LRRC9: variants seen among roughly 807,000 people sequenced by gnomAD.
The protein encoded by LRRC9 is leucine rich repeat containing 9, also known as leucine-rich repeat-containing protein 9.
In LRRC9, 122 loss-of-function variants were observed where a neutral mutation model predicts 63.2. The observed-to-expected ratio is 1.93, with a 90% CI of 1.67 to 2.24. LRRC9 has a LOEUF of 2.24. Among genes scored for constraint, LRRC9 ranks in the 30% most tolerant of loss-of-function variants. The pLI, the probability that LRRC9 is intolerant of heterozygous loss-of-function variation, is 0.00. For synonymous variants in LRRC9, 366 were observed against 213.1 expected (o/e 1.72, Z -6.25); for missense variants, 1,071 against 627.7 (o/e 1.71, Z -7.55).
chr14:59,964,784 A>G lies in LRRC9; in HGVS notation c.1212-1805A>G, dbSNP rs1566821921. On this transcript the variant is annotated intron_variant, in intron 10 of 31. Transcript: ENST00000445360. This position sits in a 1 kb window ranked among gnomAD's most constrained non-coding sequence, Gnocchi z 4.4. Reference sequence around the variant, plus strand: ...AGGTACTCTAAACTGGTTAGCAGGCATCATGCTTGATTGCAACACTATTCA... The same window carrying G: ...AGGTACTCTAAACTGGTTAGCAGGCGTCATGCTTGATTGCAACACTATTCA... 7.2e-6 allele frequency among the ~76,000 whole-genome samples: 1 copy of G among 139,198 alleles called. No homozygotes were observed. The allele number at this position is 139,198 out of a possible 152,430, so 91.3% of individuals were successfully genotyped here. A position where few individuals can be genotyped will look rare whatever the true frequency, so the allele number is the denominator to read the frequency against.
chr14:60,001,306 T>C (rs1889339506), intron 19 of LRRC9, among the ~76,000 whole-genome samples: 1 of 152,042 alleles, frequency 6.6e-6, no homozygotes, highest in Non-Finnish European at 1.5e-5. Flanking sequence ...AGAATATTCA[T>C]GATGACAGTG....
chr14:60,010,129 G>C (rs1193707823), intron 23 of LRRC9, among the ~76,000 whole-genome samples: 1 of 152,238 alleles, frequency 6.6e-6, no homozygotes, highest in East Asian at 1.9e-4. Flanking sequence ...CCAATAGGCA[G>C]TGCCCCAGTG....
At position 60,039,272 on chromosome 14, in the gene LRRC9, C is replaced by T. The variant is rs1892725084; in HGVS notation, c.3990+7209C>T. 3.9e-5 allele frequency among the ~76,000 whole-genome samples: 6 copies of T among 152,260 alleles called. No individual in the cohort carries two copies. In the South Asian group the frequency reaches 1.2e-3, roughly 32 times the overall value. On this transcript the variant is annotated intron_variant, in intron 29 of 31. Transcript: ENST00000445360. ...GGCTTTCGTATCGGGATGATGCTGG[C>T]CTCATAAAATGAGTTAGGGAGGATT...
At chr14:59,944,082 A>G (rs1231069339) in intron 7 of LRRC9, among the ~76,000 whole-genome samples, 1 of 151,994 alleles carries the variant, frequency 6.6e-6, no homozygotes, top group Non-Finnish European at 1.5e-5. Flanking sequence ...AGATAAATGG[A>G]TTTGATAGAC....
rs1465676618 is a variant in LRRC9, at chr14:60,008,197, T to G, written c.3169T>G (p.Leu1057Val). The G allele has an allele frequency of 5.7e-6, 4 of 700,068 alleles. No individual in the cohort carries two copies. In the African/African-American group the frequency reaches 7.0e-5, roughly 12 times the overall value. The allele number at this position is 700,068 out of a possible 1,614,324, so 43.4% of individuals were successfully genotyped here. ...ATTTCATCTTCCAGAACTGAAAGCT[T>G]TGGATGGGATACCAATTGTAAGTTG... The change falls in exon 23 of 32, where the codon TTG (leucine) becomes GTG (valine). Residue 1057 changes from leucine to valine, a missense_variant. Physicochemically the swap from Leu to Val is conservative, Grantham distance 32 (BLOSUM62 1). Coordinates refer to ENST00000445360, the Ensembl canonical transcript of LRRC9.
At chr14:60,064,680 T>C (rs901035606), downstream of LRRC9, among the ~76,000 whole-genome samples, 1 of 152,222 alleles carries the variant, frequency 6.6e-6, no homozygotes, top group Non-Finnish European at 1.5e-5. Context: ...GTTCTTAAGA[T>C]GTCCAGAAGA....
chr14:59,938,581 A>G lies in LRRC9; in HGVS notation c.726+9A>G, dbSNP rs1286219776. ...TCAAGGAACTGGCAGATGTAAGTACATCCCTAATCAGGCATCTGTGATTTC... is the reference window on the plus strand; with the variant it reads ...TCAAGGAACTGGCAGATGTAAGTACGTCCCTAATCAGGCATCTGTGATTTC... On this transcript the variant is annotated intron_variant, in intron 7 of 31. Transcript: ENST00000445360. The surrounding 1 kb of genome is among the most constrained non-coding windows in gnomAD (Gnocchi z 4.2). 7 of 678,354 alleles carry G rather than the reference A, an allele frequency of 1.0e-5. No homozygotes were observed. Among genetic ancestry groups the G allele is most frequent in the Non-Finnish European group, 1.9e-5 (7 of 374,496 alleles). The allele number at this position is 678,354 out of a possible 1,614,324, so 42.0% of individuals were successfully genotyped here.
At chr14:59,977,746 C>G (rs1268366342) in intron 14 of LRRC9, among the ~76,000 whole-genome samples, 1 of 151,710 alleles carries the variant, frequency 6.6e-6, no homozygotes, top group Non-Finnish European at 1.5e-5. Context: ...TTAAGCACTA[C>G]TAGTCTATGT....
At chr14:60,048,431 A>C (rs754604278) in intron 29 of LRRC9, among the ~76,000 whole-genome samples, 63 of 152,092 alleles carry the variant, frequency 4.1e-4, no homozygotes, top group Non-Finnish European at 6.9e-4. Context: ...GAATCAGATA[A>C]ATACAATCTA....
rs577038006 is a variant in LRRC9 at position 60,051,139 on chromosome 14, T to G, written c.3991-1926T>G. On this transcript the variant is annotated intron_variant, in intron 29 of 31. Coordinates refer to ENST00000445360, the Ensembl canonical transcript of LRRC9. The surrounding 1 kb of genome is among the most constrained non-coding windows in gnomAD (Gnocchi z 4.7). ...TCCATTGGTGAGGGACTCTTCCTAG[T>G]CCGGACCTCCTGGACTCTCCAGAGC... Among the ~76,000 whole-genome samples the G allele has an allele frequency of 4.4e-4, 66 of 151,160 alleles. No individual in the cohort carries two copies. The highest frequency in any genetic ancestry group is 1.6e-3 in the African/African-American group (65 of 40,518).
At chr14:60,063,386 C>T (rs1035722342) in exon 32 of LRRC9, 1 of 699,016 alleles carries the variant, frequency 1.4e-6, no homozygotes, top group Non-Finnish European at 2.6e-6. Flanking sequence ...AATGAGCATA[C>T]ACCAAGAAAC....
At chr14:60,028,240 T>C (rs759098202) in intron 28 of LRRC9, 139 bp downstream of exon 28, 65 of 578,292 alleles carry the variant, frequency 1.1e-4, no homozygotes, top group African/African-American at 3.0e-4. Flanking sequence ...TTTCAAGTCA[T>C]AGAAATAGTC....
intron 27 of LRRC9, among the ~76,000 whole-genome samples, chr14:60,025,696 A>C: frequency 6.6e-6 from 1 of 151,324 alleles, no homozygotes; most frequent in East Asian, 1.9e-4. Context: ...AAAAAAAAAG[A>C]AAGTGACATT....
chr14:59,951,776 C>A (rs1312599181), intron 8 of LRRC9, among the ~76,000 whole-genome samples: 1 of 152,022 alleles, frequency 6.6e-6, no homozygotes, highest in Non-Finnish European at 1.5e-5. Flanking sequence ...GTCAGTGTGC[C>A]CCTGCTGGGG....
Position 60,027,752 on chromosome 14 carries a change from G to T in LRRC9, c.3704-132G>T. ...GTAAATTACATTTCAATTTCTCTTT[G>T]GAAATAAGTTTCTTGAATCCTTTAC... is the stretch of plus-strand genomic sequence containing the variant. On this transcript the variant is annotated intron_variant, in intron 27 of 31. Transcript: ENST00000445360. The surrounding 1 kb of genome is among the most constrained non-coding windows in gnomAD (Gnocchi z 4.0). The T allele has an allele frequency of 5.7e-6, 3 of 523,504 alleles. No homozygotes were observed. Among genetic ancestry groups the T allele is most frequent in the Non-Finnish European group, 1.0e-5 (3 of 297,454 alleles). The allele number at this position is 523,504 out of a possible 1,614,324, so 32.4% of individuals were successfully genotyped here.
intron 15 of LRRC9, among the ~76,000 whole-genome samples, chr14:59,978,391 T>C (rs1231394618): frequency 2.6e-5 from 4 of 152,212 alleles, no homozygotes; most frequent in African/African-American, 4.8e-5. Flanking sequence ...TGAAACTACA[T>C]TGAAGAATAA....
chr14:60,040,913 A>ATGTTTAG (rs1445088552), intron 29 of LRRC9, among the ~76,000 whole-genome samples: 1 of 151,644 alleles, frequency 6.6e-6, no homozygotes, highest in Non-Finnish European at 1.5e-5. Flanking sequence ...GTTCCTTTCC[A>ATGTTTAG]TGTTTAGTGC....
chr14:60,041,247 T>C (rs530507794), intron 29 of LRRC9, among the ~76,000 whole-genome samples: 2 of 152,284 alleles, frequency 1.3e-5, no homozygotes, highest in East Asian at 3.9e-4. Context: ...TTTGAGTTGC[T>C]CTTCTTGAGG....
At chr14:59,985,004 T>G (rs527929232) in intron 16 of LRRC9, 101 bp from the exon 17 acceptor site, 1 of 459,464 alleles carries the variant, frequency 2.2e-6, no homozygotes, top group South Asian at 5.0e-5. Flanking sequence ...TGTAGTATAT[T>G]GGCTCAAATA....
Sources: allele counts gnomAD v4.1 joint callset (sites outside exome capture counted in the v4.1 genomes callset), GRCh38; gene constraint gnomAD v4.1.1; non-coding constraint Gnocchi (gnomAD v3.1); transcripts MANE v1.5; gene names NCBI Gene and HGNC (gene_info 2026-07-23, HGNC 2026-07-21).